The following LY96 variants were observed in gnomAD, a reference collection of about 807,000 sequenced individuals.
LY96 encodes lymphocyte antigen 96, also known as myeloid differentiation protein-2.
LY96 carries 18 observed loss-of-function variants against 18.9 expected under a neutral mutation model. That is an observed-to-expected ratio of 0.95 (90% CI 0.66 to 1.41). The LOEUF is 1.41. Ranked by LOEUF, LY96 falls within the 40% of genes most tolerant of loss-of-function variation. The probability of loss-of-function intolerance (pLI) is 0.00; values close to 1 mark genes in which losing one functional copy is unlikely to be tolerated. For synonymous variants in LY96, 66 were observed against 62.6 expected (o/e 1.06, Z -0.26); for missense variants, 175 against 182.4 (o/e 0.96, Z 0.23).
chr8:74,001,008 T>C (rs1816251304), intron 1 of LY96, among the ~76,000 whole-genome samples: 1 of 152,134 alleles, frequency 6.6e-6, no homozygotes, highest in Admixed American at 6.5e-5. Context: ...ACTGATCACC[T>C]CTTAGAGGTT....
chr8:73,996,822 G>A (rs1816158334), intron 1 of LY96, among the ~76,000 whole-genome samples: 1 of 152,158 alleles, frequency 6.6e-6, no homozygotes, highest in South Asian at 2.1e-4. Context: ...TTGGCTCACA[G>A]CAGTCTCTGC....
chr8:74,032,426 T>G (rs1816986030), downstream of LY96, among the ~76,000 whole-genome samples: 1 of 152,194 alleles, frequency 6.6e-6, no homozygotes, highest in South Asian at 2.1e-4. Flanking sequence ...TTCCAGACAT[T>G]GTATGGAAAA....
intron 3 of LY96, among the ~76,000 whole-genome samples, chr8:74,014,014 G>A (rs1816586820): frequency 6.6e-6 from 1 of 152,076 alleles, no homozygotes; most frequent in African/African-American, 2.4e-5. Context: ...GCATCCAGGA[G>A]GCTCTGTGAG....
At chr8:74,081,048 TTTTC>T in the LY96 span, among the ~76,000 whole-genome samples, 109 of 97,046 alleles carry the variant, frequency 1.1e-3, no homozygotes, top group East Asian at 4.5e-3. Context: ...CTTTCTTTCT[TTTTC>T]TTTCTTTCTT....
the LY96 span, among the ~76,000 whole-genome samples, chr8:74,068,015 C>T: frequency 1.6e-5 from 2 of 128,488 alleles, no homozygotes; most frequent in Admixed American, 9.7e-5. Context: ...GAGCCAAGAT[C>T]GTGCCATTGC....
intron 1 of LY96, among the ~76,000 whole-genome samples, chr8:73,994,039 C>T (rs966465592): frequency 4.6e-5 from 7 of 151,912 alleles, no homozygotes; most frequent in African/African-American, 1.7e-4. Context: ...GGCTGGAGTG[C>T]AGTAGTACGA....
At chr8:74,001,001 G>C (rs140617295) in intron 1 of LY96, among the ~76,000 whole-genome samples, 49 of 152,260 alleles carry the variant, frequency 3.2e-4, no homozygotes, top group African/African-American at 1.1e-3. Context: ...CTCATGAACT[G>C]ATCACCTCTT....
At chr8:74,031,832 A>T (rs1816976567), downstream of LY96, among the ~76,000 whole-genome samples, 1 of 150,000 alleles carries the variant, frequency 6.7e-6, no homozygotes, top group African/African-American at 2.5e-5. Flanking sequence ...AACCATTAAA[A>T]CCAGAGGGTA....
At chr8:74,071,249 CTT>C in the LY96 span, among the ~76,000 whole-genome samples, 28 of 137,292 alleles carry the variant, frequency 2.0e-4, no homozygotes, top group African/African-American at 4.4e-4. Context: ...CTTACAAGGA[CTT>C]TTTTTTTTTT....
At position 74,002,085 on chromosome 8, in the gene LY96, T is replaced by C. The variant is rs1431435008; in HGVS notation, c.113-2711T>C. Among the ~76,000 whole-genome samples, 198 of 29,330 alleles carry C rather than the reference T, an allele frequency of 6.8e-3. 40 individuals are homozygous for C. The highest frequency in any genetic ancestry group is 0.024 in the African/African-American group (126 of 5,334). 19.2% of individuals were successfully genotyped at this position (29,330 alleles called of 152,430 possible). On this transcript the variant is annotated intron_variant, in intron 1 of 4. Coordinates refer to ENST00000284818, the MANE Select transcript of LY96 (RefSeq NM_015364.5). ...TTCCTTCCTTCCTTCCTTTCTTTCT[T>C]TCTTTCTTTCTCTCTCTCTCTCTCT... is the stretch of plus-strand genomic sequence containing the variant.
chr8:74,007,168 C>G (rs923097205), intron 2 of LY96, among the ~76,000 whole-genome samples: 9 of 152,158 alleles, frequency 5.9e-5, no homozygotes, highest in Non-Finnish European at 1.2e-4. Context: ...TAGCCTGGCT[C>G]TAGGGTCCTT....
chr8:74,067,401 T>G, the LY96 span, among the ~76,000 whole-genome samples: 1 of 152,192 alleles, frequency 6.6e-6, no homozygotes, highest in East Asian at 1.9e-4. Flanking sequence ...AATTTTTTAT[T>G]TTTTGTAAAG....
At chr8:73,992,419 G>C (rs1252377063) in intron 1 of LY96, among the ~76,000 whole-genome samples, 1 of 152,200 alleles carries the variant, frequency 6.6e-6, no homozygotes, top group Non-Finnish European at 1.5e-5. Context: ...TAGGATCTAT[G>C]ACCTAATCAT....
At chr8:74,030,726 G>A (rs1004521142), downstream of LY96, among the ~76,000 whole-genome samples, 3 of 152,102 alleles carry the variant, frequency 2.0e-5, no homozygotes, top group African/African-American at 4.8e-5. Context: ...GGTTCATCTG[G>A]GATACCAAAG....
chr8:74,070,243 A>T, the LY96 span, among the ~76,000 whole-genome samples: 3 of 152,074 alleles, frequency 2.0e-5, no homozygotes, highest in East Asian at 1.9e-4. Context: ...AGGCGCCTGC[A>T]ACCACGCCCG....
chr8:74,071,957 T>C, the LY96 span, among the ~76,000 whole-genome samples: 1 of 152,196 alleles, frequency 6.6e-6, no homozygotes, highest in South Asian at 2.1e-4. Flanking sequence ...TTTTTGTTAT[T>C]GCAAACATTG....
At chr8:74,059,420 G>A in the LY96 span, among the ~76,000 whole-genome samples, 2 of 152,172 alleles carry the variant, frequency 1.3e-5, no homozygotes, top group African/African-American at 2.4e-5. Flanking sequence ...AGAAGCAGGA[G>A]GTGGGGATTT....
At chr8:74,050,805 C>T in the LY96 span, among the ~76,000 whole-genome samples, 6 of 152,120 alleles carry the variant, frequency 3.9e-5, no homozygotes, top group Admixed American at 2.6e-4. Context: ...AGGTGGATCA[C>T]GAGGTCAGGA....
chr8:74,086,571 G>T, the LY96 span, among the ~76,000 whole-genome samples: 2 of 152,186 alleles, frequency 1.3e-5, no homozygotes, highest in East Asian at 1.9e-4. Context: ...GACAAAAATG[G>T]TCGGATATAA....
Sources: gnomAD v4.1 joint callset for allele counts (sites outside exome capture counted in the v4.1 genomes callset) on GRCh38, gnomAD v4.1.1 for gene constraint, MANE v1.5 for transcripts, NCBI Gene and HGNC (gene_info 2026-07-23, HGNC 2026-07-21) for gene names.